The following ADGRL3 variants were observed in gnomAD, a reference collection of about 807,000 sequenced individuals.
The protein encoded by ADGRL3 is adhesion G protein-coupled receptor L3, also known as calcium-independent alpha-latrotoxin receptor 3.
Under a neutral mutation model 153.5 loss-of-function variants are expected in ADGRL3, and 62 were observed. The ratio of observed to expected loss-of-function variants is 0.40; its 90% confidence interval spans 0.33 to 0.50. The LOEUF (loss-of-function observed/expected upper bound fraction) is 0.50, where lower values mean the gene tolerates loss of function less well. Ranked by LOEUF, ADGRL3 falls within the 20% of genes least tolerant of loss-of-function variation. ADGRL3 has a pLI of 0.47. For synonymous variants in ADGRL3, 710 were observed against 672.5 expected, an observed-to-expected ratio of 1.06 and a Z score of -0.86; for missense variants, 1,641 against 1,859.4, an observed-to-expected ratio of 0.88 and a Z score of 2.16.
chr4:61,600,927 G>T (rs2099009125), intron 5 of ADGRL3, among the ~76,000 whole-genome samples: 1 of 152,018 alleles, frequency 6.6e-6, no homozygotes. Context: ...ATAGAATTCT[G>T]TTTCTGGGAA....
At chr4:61,894,958 T>G (rs766115108) in intron 10 of ADGRL3, among the ~76,000 whole-genome samples, 1 of 152,180 alleles carries the variant, frequency 6.6e-6, no homozygotes, top group African/African-American at 2.4e-5. Flanking sequence ...TTTCATTAAA[T>G]ACAACTCCCC....
intron 5 of ADGRL3, among the ~76,000 whole-genome samples, chr4:61,676,392 G>A (rs2095193462): frequency 1.3e-5 from 2 of 151,832 alleles, no homozygotes; most frequent in Admixed American, 6.6e-5. Flanking sequence ...CCTTTAAAAT[G>A]AATGTCATCA....
At chr4:61,279,769 C>T (rs1303825073) in intron 1 of ADGRL3, among the ~76,000 whole-genome samples, 1 of 152,062 alleles carries the variant, frequency 6.6e-6, no homozygotes, top group Non-Finnish European at 1.5e-5. Flanking sequence ...CACCGCCATG[C>T]CCCATGAAAA....
chr4:61,315,548 G>T (rs1323854058), intron 1 of ADGRL3, among the ~76,000 whole-genome samples: 2 of 152,128 alleles, frequency 1.3e-5, no homozygotes, highest in African/African-American at 4.8e-5. Context: ...TATAGCTCAC[G>T]TGATCCTGGT....
At chr4:61,423,618 G>A (rs17291954) in intron 2 of ADGRL3, among the ~76,000 whole-genome samples, 4,968 of 152,230 alleles carry the variant, frequency 0.033, 257 homozygotes, top group East Asian at 0.22. Context: ...GGAGGCCAAC[G>A]GATTAGGGCC....
Position 61,287,058 on chromosome 4 carries a change from A to G in ADGRL3, c.-240+85293A>G, listed in dbSNP as rs150793838. ...TTAATGATTAACATCACCAATAAAT[A>G]AGGGATTTTTTCATAGTAGGGATTT... On this transcript the variant is annotated intron_variant, in intron 1 of 26. Coordinates refer to ENST00000683033, the MANE Select transcript of ADGRL3 (RefSeq NM_001387552.1). 3.3e-5 allele frequency among the ~76,000 whole-genome samples: 5 copies of G among 151,924 alleles called. No homozygotes were observed. In the East Asian group the frequency reaches 9.7e-4, roughly 29 times the overall value.
chr4:61,674,074 T>A (rs768261485), intron 5 of ADGRL3, among the ~76,000 whole-genome samples: 1 of 151,378 alleles, frequency 6.6e-6, no homozygotes, highest in Admixed American at 6.6e-5. Flanking sequence ...TTTATAATTT[T>A]CTTACATATA....
At chr4:61,556,758 G>A (rs188546632) in intron 4 of ADGRL3, among the ~76,000 whole-genome samples, 43 of 152,244 alleles carry the variant, frequency 2.8e-4, no homozygotes, top group Admixed American at 7.9e-4. Context: ...ACTTAACCCC[G>A]GTGACAAGGA....
intron 1 of ADGRL3, among the ~76,000 whole-genome samples, chr4:61,288,055 A>G (rs538498974): frequency 1.3e-5 from 2 of 152,024 alleles, no homozygotes; most frequent in Non-Finnish European, 2.9e-5. Context: ...ATTGAACACC[A>G]TAACTGGAAC....
chr4:61,567,393 G>A (rs567856528), intron 4 of ADGRL3, among the ~76,000 whole-genome samples: 20 of 152,254 alleles, frequency 1.3e-4, no homozygotes, highest in African/African-American at 4.6e-4. Flanking sequence ...AGGAGGTGGG[G>A]CCTTTGGAAG....
chr4:61,460,247 T>G (rs2097794620), intron 2 of ADGRL3, among the ~76,000 whole-genome samples: 1 of 152,134 alleles, frequency 6.6e-6, no homozygotes, highest in Admixed American at 6.6e-5. Context: ...TTTTTGTATA[T>G]GGTGAGAGAT....
chr4:61,613,881 C>A (rs1489612933), intron 5 of ADGRL3, among the ~76,000 whole-genome samples: 1 of 152,134 alleles, frequency 6.6e-6, no homozygotes, highest in Non-Finnish European at 1.5e-5. Flanking sequence ...AGTGCTGCAA[C>A]TTGATACTGC....
rs545222367 is a variant in ADGRL3 at position 61,649,645 on chromosome 4, T to A, written c.474-27181T>A. Among the ~76,000 whole-genome samples, 3 of 152,292 alleles carry A rather than the reference T, an allele frequency of 2.0e-5. No homozygotes were observed. The East Asian group carries it at 5.8e-4, about 29-fold the overall frequency. ...CTGGGCTAAATTTAATAATTGGATG[T>A]CTTATCATTTTGCATCCTTGTTTGT... On this transcript the variant is annotated intron_variant, in intron 5 of 26. Coordinates refer to ENST00000683033, the MANE Select transcript of ADGRL3 (RefSeq NM_001387552.1).
chr4:61,961,599 C>T (rs968144565), intron 17 of ADGRL3, among the ~76,000 whole-genome samples: 1 of 151,930 alleles, frequency 6.6e-6, no homozygotes, highest in Non-Finnish European at 1.5e-5. Flanking sequence ...AAAAAATCAT[C>T]GGAGGAAGAA....
At chr4:61,650,487 G>T (rs369604952) in intron 5 of ADGRL3, among the ~76,000 whole-genome samples, 2 of 152,032 alleles carry the variant, frequency 1.3e-5, no homozygotes, top group African/African-American at 4.8e-5. Context: ...TTTTCGTAAT[G>T]ACATATTGTG....
intron 25 of ADGRL3, among the ~76,000 whole-genome samples, chr4:62,059,839 A>G (rs115053277): frequency 0.013 from 1,993 of 152,308 alleles, 30 homozygotes; most frequent in Middle Eastern, 0.02. Flanking sequence ...ACGGAACAAT[A>G]AAATGAACTT....
In ADGRL3 at chr4:61,776,913, C is replaced by T. The variant is rs532460975; in HGVS notation, c.1400-36896C>T. Among the ~76,000 whole-genome samples the T allele has an allele frequency of 2.6e-5, 4 of 152,294 alleles. No homozygotes were observed. The South Asian group carries it at 8.3e-4, about 32-fold the overall frequency. On this transcript the variant is annotated intron_variant, in intron 8 of 26. Transcript: ENST00000683033. ...TTAGATCACTTACTAAGTGTGTCAA[C>T]AGTGCGACTATTAAATAAACATATA... is the stretch of plus-strand genomic sequence containing the variant.
At chr4:61,764,953 G>A (rs957002733) in intron 8 of ADGRL3, among the ~76,000 whole-genome samples, 1 of 151,890 alleles carries the variant, frequency 6.6e-6, no homozygotes, top group Non-Finnish European at 1.5e-5. Context: ...CCTGGATACG[G>A]TTTTGGATGA....
intron 15 of ADGRL3, among the ~76,000 whole-genome samples, chr4:61,938,303 A>G (rs1040747703): frequency 2.6e-5 from 4 of 152,226 alleles, no homozygotes; most frequent in African/African-American, 9.6e-5. Flanking sequence ...CAGCATTTTA[A>G]TATCAAATCT....
Sources: allele counts gnomAD v4.1 joint callset (sites outside exome capture counted in the v4.1 genomes callset), GRCh38; gene constraint gnomAD v4.1.1; transcripts MANE v1.5; gene names NCBI Gene and HGNC (gene_info 2026-07-23, HGNC 2026-07-21).